Variants in LASP1 observed in about 807,000 individuals in gnomAD.
LASP1 encodes the protein LIM and SH3 protein 1.
In LASP1, 10 loss-of-function variants were observed where a neutral mutation model predicts 38.6. The observed-to-expected ratio is 0.26, with a 90% confidence interval of 0.16 to 0.44. LASP1 has a LOEUF of 0.44. Ranked by LOEUF, LASP1 falls within the 20% of genes least tolerant of loss-of-function variation. The pLI, the probability that LASP1 is intolerant of heterozygous loss-of-function variation, is 1.00. For missense variants in LASP1, 243 were observed against 375.7 expected (o/e 0.65, Z 2.92); for synonymous variants, 132 against 140.8 (o/e 0.94, Z 0.44).
At chr17:38,906,524 C>G (rs1187585632) in intron 4 of LASP1, among the ~76,000 whole-genome samples, 1 of 147,796 alleles carries the variant, frequency 6.8e-6, no homozygotes, top group Non-Finnish European at 1.5e-5. Flanking sequence ...GCAAGACTGT[C>G]TCAAAATAAA....
intron 1 of LASP1, among the ~76,000 whole-genome samples, chr17:38,876,020 G>A (rs1026349045): frequency 2.6e-5 from 4 of 152,116 alleles, no homozygotes; most frequent in Non-Finnish European, 5.9e-5. Context: ...GGTCCTGGCA[G>A]TGGACCCCTG....
At chr17:38,896,821 C>T (rs573214510) in intron 3 of LASP1, 46 of 740,828 alleles carry the variant, frequency 6.2e-5, no homozygotes, top group African/African-American at 3.6e-4. Context: ...GTGCTAGCTC[C>T]GCCTGGCTTT....
intron 4 of LASP1, chr17:38,904,438 C>G (rs1914724086): frequency 6.6e-6 from 1 of 151,880 alleles, no homozygotes; most frequent in African/African-American, 2.4e-5. Context: ...ACTAAAAATA[C>G]AAAAATTAGC....
At chr17:38,911,089 G>A (rs1247574661) in intron 4 of LASP1, among the ~76,000 whole-genome samples, 1 of 152,186 alleles carries the variant, frequency 6.6e-6, no homozygotes, top group East Asian at 1.9e-4. Context: ...TCTTCAGCCA[G>A]TCCTGAGGCC....
At chr17:38,903,831 C>T (rs1480009023) in intron 4 of LASP1, 3 of 152,166 alleles carry the variant, frequency 2.0e-5, no homozygotes, top group Admixed American at 2.0e-4. Context: ...AGGAAAGGGG[C>T]CAGTATATTA....
chr17:38,909,272 C>T (rs1335694566), intron 4 of LASP1, among the ~76,000 whole-genome samples: 1 of 152,120 alleles, frequency 6.6e-6, no homozygotes, highest in African/African-American at 2.4e-5. Context: ...ACCCTCACAC[C>T]TTTCTATGGT....
chr17:38,870,071 C>T lies in LASP1; in HGVS notation c.-119C>T. The T allele has an allele frequency of 9.2e-7, 1 of 1,087,266 alleles. No individual in the cohort carries two copies. The highest frequency in any genetic ancestry group is 1.4e-6 in the Non-Finnish European group (1 of 733,054). 67.4% of individuals were successfully genotyped at this position (1,087,266 alleles called of 1,614,324 possible). A position where few individuals can be genotyped will look rare whatever the true frequency, so the allele number is the denominator to read the frequency against. ...GCGGAGGCGGAGGCCAGTTCCCCAGCTCCAGCCGCCGTCGCTGCTGCCTGT... is the reference window on the plus strand; with the variant it reads ...GCGGAGGCGGAGGCCAGTTCCCCAGTTCCAGCCGCCGTCGCTGCTGCCTGT... On this transcript the variant is annotated 5_prime_UTR_variant, in exon 1 of 7. Transcript: ENST00000318008.
At chr17:38,910,808 C>T (rs533075) in intron 4 of LASP1, among the ~76,000 whole-genome samples, 104,085 of 150,044 alleles carry the variant, frequency 0.69, 36,989 homozygotes, top group African/African-American at 0.86. Flanking sequence ...CTGCGACCTC[C>T]GCCTCCAAGG....
intron 3 of LASP1, among the ~76,000 whole-genome samples, chr17:38,892,551 G>GACACACACACACACAC (rs530593526): frequency 8.3e-5 from 12 of 143,840 alleles, no homozygotes; most frequent in East Asian, 6.3e-4. Flanking sequence ...GGTCTTTGGA[G>GACACACACACACACAC]ACACACACAC....
chr17:38,904,489 A>T (rs1012978112), intron 4 of LASP1: 1 of 152,120 alleles, frequency 6.6e-6, no homozygotes, highest in African/African-American at 2.4e-5. Flanking sequence ...GTTACTTGGG[A>T]AGCTGAGGCA....
intron 4 of LASP1, among the ~76,000 whole-genome samples, chr17:38,908,382 C>T (rs1418001112): frequency 6.6e-6 from 1 of 152,248 alleles, no homozygotes; most frequent in Non-Finnish European, 1.5e-5. Context: ...TGTCCCCTTC[C>T]CTTGTGCCCT....
At chr17:38,888,107 A>C (rs1352061529) in intron 2 of LASP1, among the ~76,000 whole-genome samples, 1 of 152,154 alleles carries the variant, frequency 6.6e-6, no homozygotes, top group Admixed American at 6.6e-5. Context: ...CAGTCCCTGA[A>C]GTAATTGGGG....
chr17:38,900,536 G>A (rs1037334472), intron 4 of LASP1, among the ~76,000 whole-genome samples: 1 of 152,120 alleles, frequency 6.6e-6, no homozygotes, highest in Non-Finnish European at 1.5e-5. Flanking sequence ...AGCTGGGCGT[G>A]GTGGCGTGTG....
In LASP1 at chr17:38,918,920, C is replaced by A; in HGVS notation, c.*142C>A. 2.1e-6 allele frequency: 2 copies of A among 936,610 alleles called. No individual in the cohort carries two copies. Among genetic ancestry groups the A allele is most frequent in the Non-Finnish European group, 3.2e-6 (2 of 634,792 alleles). 58.0% of individuals were successfully genotyped at this position (936,610 alleles called of 1,614,324 possible). A position where few individuals can be genotyped will look rare whatever the true frequency, so the allele number is the denominator to read the frequency against. On this transcript the variant is annotated 3_prime_UTR_variant, in exon 7 of 7. Coordinates refer to ENST00000318008, the MANE Select transcript of LASP1 (RefSeq NM_006148.4). The surrounding 1 kb of genome is among the most constrained non-coding windows in gnomAD (Gnocchi z 4.4). ...CTACCCCTCTTCCAGCTTCTTTTGC[C>A]AACTGAAGCCTTCTTCTGCCACTTC...
chr17:38,882,022 G>A (rs970374429), intron 2 of LASP1, among the ~76,000 whole-genome samples: 6 of 152,242 alleles, frequency 3.9e-5, no homozygotes, highest in African/African-American at 1.4e-4. Flanking sequence ...CCCACCTGGT[G>A]TGGCGGACCC....
At position 38,878,232 on chromosome 17, in the gene LASP1, G is replaced by A. The variant is rs150792531; in HGVS notation, c.164+52G>A. On this transcript the variant is annotated intron_variant, in intron 2 of 6. Transcript: ENST00000318008. ...GGGTGGGCACCTTGGCTCCCTCCCC[G>A]AGTGAGTTCTTCCTTTCCTTCCAAT... is the stretch of plus-strand genomic sequence containing the variant. 1.5e-3 allele frequency: 1,819 copies of A among 1,207,574 alleles called. 4 individuals are homozygous for A. Among genetic ancestry groups the A allele is most frequent in the Middle Eastern group, 9.6e-3 (50 of 5,230 alleles). The allele number at this position is 1,207,574 out of a possible 1,614,324, so 74.8% of individuals were successfully genotyped here. A position where few individuals can be genotyped will look rare whatever the true frequency, so the allele number is the denominator to read the frequency against.
rs893474961 is a variant in LASP1 at position 38,921,184 on chromosome 17, G to GGGGCTGGGCT, written c.*2418_*2427dup. 1.7e-5 allele frequency: 4 copies of GGGGCTGGGCT among 229,698 alleles called. No homozygotes were observed. Among genetic ancestry groups the GGGGCTGGGCT allele is most frequent in the East Asian group, 6.2e-5 (1 of 16,088 alleles). 14.2% of individuals were successfully genotyped at this position (229,698 alleles called of 1,614,324 possible). On this transcript the variant is annotated 3_prime_UTR_variant, in exon 7 of 7. Transcript: ENST00000318008. ...TCCCTAGAAGAGCACAGAGCCCTGA[G>GGGGCTGGGCT]GGGCTGGGCTGGGCTGGGCTGAGCC...
At chr17:38,893,000 T>TGTGTGTGTGTGTGCACGCATGCACGC (rs1914383404) in intron 3 of LASP1, among the ~76,000 whole-genome samples, 1 of 73,082 alleles carries the variant, frequency 1.4e-5, no homozygotes, top group Non-Finnish European at 4.6e-5. Flanking sequence ...CGCGTGTATG[T>TGTGTGTGTGTGTGCACGCATGCACGC]GTGTGTGTGT....
At chr17:38,886,172 A>T (rs1244216863) in intron 2 of LASP1, among the ~76,000 whole-genome samples, 1 of 143,440 alleles carries the variant, frequency 7.0e-6, no homozygotes, top group Non-Finnish European at 1.5e-5. Flanking sequence ...CTCTCTCCTC[A>T]CTCTCTCTCT....
Sources: allele counts gnomAD v4.1 joint callset (sites outside exome capture counted in the v4.1 genomes callset), GRCh38; gene constraint gnomAD v4.1.1; non-coding constraint Gnocchi (gnomAD v3.1); transcripts MANE v1.5; gene names NCBI Gene and HGNC (gene_info 2026-07-23, HGNC 2026-07-21).